LRFN5: variants seen among roughly 807,000 people sequenced by gnomAD.
LRFN5 encodes leucine rich repeat and fibronectin type III domain containing 5, also known as leucine-rich repeat and fibronectin type-III domain-containing protein 5.
In LRFN5, 24 loss-of-function variants were observed where a neutral mutation model predicts 45.6. The observed-to-expected ratio is 0.53, with a 90% CI of 0.38 to 0.74. The LOEUF (loss-of-function observed/expected upper bound fraction) is 0.74, where lower values mean the gene tolerates loss of function less well. LRFN5 is among the 30% of genes least tolerant of loss of function. LRFN5 has a pLI of 0.00. For synonymous variants in LRFN5, 340 were observed against 313.8 expected, an observed-to-expected ratio of 1.08 and a Z score of -0.88; for missense variants, 776 against 861.5, an observed-to-expected ratio of 0.90 and a Z score of 1.24.
intron 1 of LRFN5, among the ~76,000 whole-genome samples, chr14:41,659,486 A>G (rs1287456247): frequency 1.3e-5 from 2 of 152,106 alleles, no homozygotes; most frequent in East Asian, 1.9e-4. Flanking sequence ...GGTATTTGCT[A>G]TTGTGAATAG....
chr14:41,671,876 C>A (rs1215471413), intron 1 of LRFN5, among the ~76,000 whole-genome samples: 1 of 152,042 alleles, frequency 6.6e-6, no homozygotes, highest in East Asian at 1.9e-4. Flanking sequence ...CCTTGGCCTC[C>A]CACAGTGCTG....
chr14:41,797,236 A>G (rs1887164465), intron 2 of LRFN5, among the ~76,000 whole-genome samples: 1 of 151,702 alleles, frequency 6.6e-6, no homozygotes, highest in Non-Finnish European at 1.5e-5. Flanking sequence ...TTTGGGCATT[A>G]ATTTTGAAAT....
At chr14:41,900,758 T>C (rs1318272096) in intron 5 of LRFN5, among the ~76,000 whole-genome samples, 1 of 152,114 alleles carries the variant, frequency 6.6e-6, no homozygotes, top group East Asian at 1.9e-4. Context: ...GGTAAATGAT[T>C]TGTGCTATAG....
At chr14:41,679,234 T>C (rs962065760) in intron 1 of LRFN5, among the ~76,000 whole-genome samples, 1 of 152,186 alleles carries the variant, frequency 6.6e-6, no homozygotes, top group Admixed American at 6.5e-5. Flanking sequence ...TCAAAGCCAA[T>C]GGACTTAGCA....
rs116867406 is a variant in LRFN5 at position 41,774,470 on chromosome 14, G to A, written c.-21+7441G>A. On this transcript the variant is annotated intron_variant, in intron 2 of 5. Coordinates refer to ENST00000298119, the MANE Select transcript of LRFN5 (RefSeq NM_152447.5). ...TAGGATAATTCATGATTTATTATGG[G>A]AAGAAATTCATAGATTGGAAGAATT... Among the ~76,000 whole-genome samples, 955 of 152,256 alleles carry A rather than the reference G, an allele frequency of 6.3e-3. 3 individuals are homozygous for A. Among genetic ancestry groups the A allele is most frequent in the Middle Eastern group, 0.027 (8 of 294 alleles).
At chr14:41,725,220 GT>G (rs1404635974) in intron 1 of LRFN5, among the ~76,000 whole-genome samples, 1 of 152,178 alleles carries the variant, frequency 6.6e-6, no homozygotes, top group African/African-American at 2.4e-5. Context: ...GCTTAAAAAT[GT>G]TGCTATCATC....
At chr14:41,903,212 C>T (rs1891152744) in intron 5 of LRFN5, among the ~76,000 whole-genome samples, 1 of 151,052 alleles carries the variant, frequency 6.6e-6, no homozygotes. Context: ...CATAAAGTTA[C>T]CAAAAATAAC....
chr14:41,658,057 T>A (rs774711271), intron 1 of LRFN5, among the ~76,000 whole-genome samples: 1 of 151,998 alleles, frequency 6.6e-6, no homozygotes, highest in Non-Finnish European at 1.5e-5. Context: ...ATTAAAGGAA[T>A]GAAAACATTT....
intron 1 of LRFN5, among the ~76,000 whole-genome samples, chr14:41,756,134 A>T (rs531658845): frequency 6.6e-6 from 1 of 152,284 alleles, no homozygotes; most frequent in Non-Finnish European, 1.5e-5. Flanking sequence ...CCGAGAGATC[A>T]GCTGTTAGTC....
At chr14:41,856,675 A>ATTATTATTATTATTATTTTT in intron 2 of LRFN5, among the ~76,000 whole-genome samples, 4 of 18,336 alleles carry the variant, frequency 2.2e-4, no homozygotes, top group Admixed American at 1.2e-3. Flanking sequence ...TATTATTATT[A>ATTATTATTATTATTATTTTT]TTTTTTTTTT....
chr14:41,649,650 C>G (rs969338360), intron 1 of LRFN5, among the ~76,000 whole-genome samples: 2 of 152,160 alleles, frequency 1.3e-5, no homozygotes, highest in South Asian at 4.1e-4. Context: ...GATATTTTAT[C>G]AGGTTCCTCA....
intron 2 of LRFN5, among the ~76,000 whole-genome samples, chr14:41,813,932 A>G (rs1011971466): frequency 6.6e-6 from 1 of 152,006 alleles, no homozygotes; most frequent in Non-Finnish European, 1.5e-5. Context: ...GCTTTTTTTC[A>G]TATATTTGCT....
At chr14:41,855,626 A>G (rs919521749) in intron 2 of LRFN5, among the ~76,000 whole-genome samples, 6 of 152,186 alleles carry the variant, frequency 3.9e-5, no homozygotes, top group Non-Finnish European at 5.9e-5. Flanking sequence ...TCCACTCTGA[A>G]AAATATAACG....
intron 1 of LRFN5, among the ~76,000 whole-genome samples, chr14:41,747,416 C>T (rs1884965305): frequency 6.6e-6 from 1 of 151,872 alleles, no homozygotes; most frequent in South Asian, 2.1e-4. Context: ...ACAAGGTTGC[C>T]AACACCATTC....
chr14:41,799,584 A>G (rs1215497738), intron 2 of LRFN5, among the ~76,000 whole-genome samples: 1 of 152,014 alleles, frequency 6.6e-6, no homozygotes, highest in Non-Finnish European at 1.5e-5. Context: ...TAGACACTAG[A>G]ACTCCTTTAT....
intron 2 of LRFN5, among the ~76,000 whole-genome samples, chr14:41,795,574 C>T (rs1887092444): frequency 6.6e-6 from 1 of 152,102 alleles, no homozygotes; most frequent in Non-Finnish European, 1.5e-5. Context: ...GGCACATATA[C>T]ACCATGGAAT....
chr14:41,876,830 G>T (rs937821598), intron 2 of LRFN5, among the ~76,000 whole-genome samples: 2 of 151,978 alleles, frequency 1.3e-5, no homozygotes, highest in East Asian at 3.9e-4. Context: ...TCAAACTTTG[G>T]CTAAATAAAC....
In LRFN5 at chr14:41,821,259, C is replaced by T. The variant is rs1888103540; in HGVS notation, c.-21+54230C>T. ...TGGCTGTGGTTTGTTAGACATGGCT[C>T]TTATTATTCTGAAGTATGTTTCTTC... On this transcript the variant is annotated intron_variant, in intron 2 of 5. Transcript: ENST00000298119. 2.0e-5 allele frequency among the ~76,000 whole-genome samples: 3 copies of T among 151,920 alleles called. No individual in the cohort carries two copies. In the South Asian group the frequency reaches 6.2e-4, roughly 32 times the overall value.
chr14:41,885,676 T>G (rs1437168776), intron 2 of LRFN5, among the ~76,000 whole-genome samples: 2 of 152,130 alleles, frequency 1.3e-5, no homozygotes, highest in African/African-American at 4.8e-5. Context: ...TGATAAACAT[T>G]CAACCTTGTT....
Sources: allele counts gnomAD v4.1 joint callset (sites outside exome capture counted in the v4.1 genomes callset), GRCh38; gene constraint gnomAD v4.1.1; transcripts MANE v1.5; gene names NCBI Gene and HGNC (gene_info 2026-07-23, HGNC 2026-07-21).